Variants in ZDHHC7 observed in about 807,000 individuals in gnomAD.
The protein encoded by ZDHHC7 is zDHHC palmitoyltransferase 7, also known as palmitoyltransferase ZDHHC7.
ZDHHC7 carries 12 observed loss-of-function variants against 34.1 expected under a neutral mutation model. The ratio of observed to expected loss-of-function variants is 0.35; its 90% CI spans 0.23 to 0.57. ZDHHC7 has a LOEUF of 0.57. Among genes scored for constraint, ZDHHC7 ranks in the 20% least tolerant of loss-of-function variants. ZDHHC7 has a pLI of 0.84. For synonymous variants in ZDHHC7, 185 were observed against 155.4 expected (o/e 1.19, Z -1.42); for missense variants, 388 against 402.7 (o/e 0.96, Z 0.31).
Position 84,990,549 on chromosome 16 carries a change from CAT to C in ZDHHC7, c.68_69del (p.Tyr23Ter). ...HHPLLAENDN[Y>X]DSSSSSSSEA... ...TCGGAGGAGGAGGACGATGAAGAGT[CAT>C]AGTTGTCATTTTCAGCCAGGAGAGG... On this transcript the variant is annotated frameshift_variant, in exon 3 of 8. Coordinates refer to ENST00000313732, the MANE Select transcript of ZDHHC7 (RefSeq NM_017740.3). LOFTEE classifies it high-confidence loss of function. 1.2e-6 allele frequency: 2 copies of C among 1,614,154 alleles called. No individual in the cohort carries two copies. The highest frequency in any genetic ancestry group is 1.7e-6 in the Non-Finnish European group (2 of 1,180,034).
chr16:85,013,063 C>A (rs183574651), upstream of ZDHHC7, among the ~76,000 whole-genome samples: 34 of 152,168 alleles, frequency 2.2e-4, no homozygotes, highest in African/African-American at 8.0e-4. Flanking sequence ...GTAAATTCAC[C>A]TTTACTGGAC....
the ZDHHC7 span, among the ~76,000 whole-genome samples, chr16:85,021,581 G>T: frequency 2.0e-5 from 3 of 151,852 alleles, no homozygotes; most frequent in African/African-American, 7.3e-5. Context: ...AGCTGGGCAT[G>T]GTGGCATGCA....
At chr16:84,997,895 T>TAAAAAA (rs751166134) in intron 1 of ZDHHC7, among the ~76,000 whole-genome samples, 12 of 64,368 alleles carry the variant, frequency 1.9e-4, no homozygotes, top group Non-Finnish European at 2.7e-4. Flanking sequence ...AGACTCCGTC[T>TAAAAAA]AAAAAAAAAA....
intron 2 of ZDHHC7, among the ~76,000 whole-genome samples, 155 bp from the exon 3 acceptor site, chr16:84,990,790 T>C (rs980132363): frequency 1.3e-5 from 2 of 152,222 alleles, no homozygotes; most frequent in Non-Finnish European, 2.9e-5. Context: ...GATCTGAATT[T>C]TTAAATCTCT....
intron 1 of ZDHHC7, among the ~76,000 whole-genome samples, chr16:85,007,998 C>T (rs1294058547): frequency 2.0e-5 from 3 of 151,908 alleles, no homozygotes; most frequent in African/African-American, 4.8e-5. Context: ...ACCTGTGGTC[C>T]CTGTTAACCA....
At chr16:85,015,074 C>G (rs2072828615), upstream of ZDHHC7, among the ~76,000 whole-genome samples, 1 of 151,098 alleles carries the variant, frequency 6.6e-6, no homozygotes, top group Non-Finnish European at 1.5e-5. Flanking sequence ...GTGAAGCCTC[C>G]AAGTAGCAGG....
intron 3 of ZDHHC7, among the ~76,000 whole-genome samples, chr16:84,985,890 C>T (rs1455553303): frequency 2.1e-5 from 3 of 139,588 alleles, no homozygotes; most frequent in Non-Finnish European, 4.5e-5. Context: ...AAGAGGCAAC[C>T]GTTTCAATGA....
chr16:84,997,618 G>C (rs2072596964), intron 1 of ZDHHC7, among the ~76,000 whole-genome samples: 1 of 151,390 alleles, frequency 6.6e-6, no homozygotes, highest in Admixed American at 6.6e-5. Flanking sequence ...AAATGGGCCA[G>C]GCACAGTGGC....
chr16:85,019,059 G>A, the ZDHHC7 span, among the ~76,000 whole-genome samples: 1 of 152,248 alleles, frequency 6.6e-6, no homozygotes, highest in Middle Eastern at 3.4e-3. Context: ...GCCTTGTGTG[G>A]GCCACTCACT....
At chr16:85,008,532 T>C (rs2072747785) in intron 1 of ZDHHC7, among the ~76,000 whole-genome samples, 2 of 148,540 alleles carry the variant, frequency 1.3e-5, no homozygotes, top group Non-Finnish European at 3.0e-5. Flanking sequence ...CAACTTGCAG[T>C]TGGTATCACA....
chr16:85,010,724 G>C (rs1421648266), intron 1 of ZDHHC7, among the ~76,000 whole-genome samples: 1 of 152,248 alleles, frequency 6.6e-6, no homozygotes, highest in Non-Finnish European at 1.5e-5. Context: ...ACCACACCAG[G>C]AGAGGTGAGC....
intron 1 of ZDHHC7, among the ~76,000 whole-genome samples, chr16:84,997,754 G>C (rs1262378557): frequency 1.3e-5 from 2 of 149,922 alleles, no homozygotes; most frequent in Admixed American, 6.6e-5. Flanking sequence ...TTAGCTAGGC[G>C]TGGTGGTGGG....
rs946334632 is a variant in ZDHHC7, at chr16:84,976,137, C to A, written c.*206G>T. 31 of 648,832 alleles carry A rather than the reference C, an allele frequency of 4.8e-5. No individual in the cohort carries two copies. The Admixed American group carries it at 6.1e-4, about 13-fold the overall frequency. 40.2% of individuals were successfully genotyped at this position (648,832 alleles called of 1,614,324 possible). A position where few individuals can be genotyped will look rare whatever the true frequency, so the allele number is the denominator to read the frequency against. The stretch of plus-strand genomic sequence containing the variant: ...TTTGGCTTCTTCGTGTGGCCACACA[C>A]CTTTCCGTTGTTGTACAGGTGGGGA... On this transcript the variant is annotated 3_prime_UTR_variant, in exon 8 of 8. Transcript: ENST00000313732.
In ZDHHC7 at chr16:84,992,889, C is replaced by T. The variant is rs552258118; in HGVS notation, c.-17-2254G>A. On this transcript the variant is annotated intron_variant, in intron 2 of 7. Coordinates refer to ENST00000313732, the MANE Select transcript of ZDHHC7 (RefSeq NM_017740.3). The stretch of plus-strand genomic sequence containing the variant: ...ACATAGCAATTATGAAAACATTTGC[C>T]GAATGAACATGTGGTGAGGATTCAT... 7.0e-4 allele frequency among the ~76,000 whole-genome samples: 107 copies of T among 152,148 alleles called. No individual in the cohort carries two copies. In the South Asian group the frequency reaches 0.011, roughly 16 times the overall value.
chr16:84,988,062 C>T (rs761287343), intron 3 of ZDHHC7, among the ~76,000 whole-genome samples: 3 of 152,090 alleles, frequency 2.0e-5, no homozygotes, highest in South Asian at 2.1e-4. Flanking sequence ...CCCAGCTACT[C>T]GGAAGGCTGA....
At chr16:85,015,427 G>A (rs2072830115), upstream of ZDHHC7, among the ~76,000 whole-genome samples, 1 of 152,092 alleles carries the variant, frequency 6.6e-6, no homozygotes, top group Non-Finnish European at 1.5e-5. Context: ...ACCTAAGAAA[G>A]GTGCCAGATT....
At chr16:85,013,491 C>G (rs1446794013), upstream of ZDHHC7, among the ~76,000 whole-genome samples, 1 of 152,170 alleles carries the variant, frequency 6.6e-6, no homozygotes, top group Non-Finnish European at 1.5e-5. Context: ...GATCCACCCA[C>G]CTTGGCCTCC....
intron 3 of ZDHHC7, among the ~76,000 whole-genome samples, chr16:84,984,819 A>T (rs1369608979): frequency 6.6e-6 from 1 of 152,148 alleles, no homozygotes; most frequent in East Asian, 1.9e-4. Context: ...CTACATTTTC[A>T]TCCTGAGCCT....
chr16:85,026,472 G>C, the ZDHHC7 span, among the ~76,000 whole-genome samples: 1 of 152,054 alleles, frequency 6.6e-6, no homozygotes, highest in Non-Finnish European at 1.5e-5. Context: ...AATCTGGAGT[G>C]TACTAGAAGG....
Sources: gnomAD v4.1 joint callset for allele counts (sites outside exome capture counted in the v4.1 genomes callset) on GRCh38, gnomAD v4.1.1 for gene constraint, MANE v1.5 for transcripts, NCBI Gene and HGNC (gene_info 2026-07-23, HGNC 2026-07-21) for gene names.